SLC6A6: variants seen among roughly 807,000 people sequenced by gnomAD.
The protein encoded by SLC6A6 is solute carrier family 6 member 6.
In SLC6A6, 16 loss-of-function variants were observed where a neutral mutation model predicts 68.8. The observed-to-expected ratio is 0.23, with a 90% confidence interval of 0.16 to 0.35. SLC6A6 has a LOEUF of 0.35. SLC6A6 is among the 10% of genes least tolerant of loss of function. The pLI is 1.00. For synonymous variants in SLC6A6, 312 were observed against 315.4 expected, an observed-to-expected ratio of 0.99 and a Z score of 0.12; for missense variants, 474 against 802.8, an observed-to-expected ratio of 0.59 and a Z score of 4.95.
chr3:14,469,036 C>T (rs1003690612), intron 9 of SLC6A6, among the ~76,000 whole-genome samples: 6 of 152,130 alleles, frequency 3.9e-5, no homozygotes, highest in Admixed American at 2.6e-4. Flanking sequence ...GGGACTTGGC[C>T]ATGGCTGCTT....
chr3:14,442,595 G>A (rs1269782594), intron 2 of SLC6A6, among the ~76,000 whole-genome samples: 1 of 152,228 alleles, frequency 6.6e-6, no homozygotes, highest in African/African-American at 2.4e-5. Flanking sequence ...TGTGACTGTG[G>A]CCCTCAGGGT....
intron 1 of SLC6A6, among the ~76,000 whole-genome samples, chr3:14,409,100 G>A (rs1393871808): frequency 1.3e-5 from 2 of 152,204 alleles, no homozygotes; most frequent in African/African-American, 4.8e-5. Flanking sequence ...GAGCCACCAC[G>A]CCTGGCCAGT....
At chr3:14,405,116 C>T (rs528784720) in intron 1 of SLC6A6, among the ~76,000 whole-genome samples, 18 of 152,292 alleles carry the variant, frequency 1.2e-4, no homozygotes, top group Admixed American at 3.3e-4. Context: ...TCACTGATAT[C>T]CTCGGGAGTT....
At chr3:14,421,643 C>T (rs1473567277) in intron 2 of SLC6A6, among the ~76,000 whole-genome samples, 3 of 152,226 alleles carry the variant, frequency 2.0e-5, no homozygotes, top group African/African-American at 4.8e-5. Flanking sequence ...GCATAGTAAT[C>T]GCATCTGCAG....
intron 9 of SLC6A6, among the ~76,000 whole-genome samples, chr3:14,469,682 A>G (rs908079096): frequency 1.3e-5 from 2 of 152,156 alleles, no homozygotes; most frequent in African/African-American, 4.8e-5. Context: ...CCCTGGACAC[A>G]TGCAACAACC....
intron 14 of SLC6A6, among the ~76,000 whole-genome samples, chr3:14,483,336 G>A (rs1701054423): frequency 6.6e-6 from 1 of 152,196 alleles, no homozygotes; most frequent in Non-Finnish European, 1.5e-5. Context: ...CCCCTCAGGG[G>A]CTCCCACCTG....
chr3:14,416,494 A>G, intron 2 of SLC6A6, 41 bp downstream of exon 2: 1 of 398,594 alleles, frequency 2.5e-6, no homozygotes, highest in Non-Finnish European at 4.4e-6. Flanking sequence ...GGTGTCTCAC[A>G]CGTTGTGCAG....
intron 6 of SLC6A6, among the ~76,000 whole-genome samples, chr3:14,461,164 C>T (rs747447172): frequency 2.6e-5 from 4 of 152,242 alleles, no homozygotes; most frequent in Non-Finnish European, 4.4e-5. Context: ...ATAGTGATAA[C>T]GGTGGCGAAA....
At chr3:14,451,279 G>C (rs1700245947) in intron 5 of SLC6A6, among the ~76,000 whole-genome samples, 1 of 152,206 alleles carries the variant, frequency 6.6e-6, no homozygotes, top group African/African-American at 2.4e-5. Context: ...CACCTGCGTG[G>C]AGCAGCAAAT....
rs137993719 is a variant in SLC6A6, at chr3:14,447,598, C to T, written c.381C>T (p.Ser127=). 8.4e-5 allele frequency: 136 copies of T among 1,614,066 alleles called. No homozygotes were observed. The highest frequency in any genetic ancestry group is 3.3e-4 in the Middle Eastern group (2 of 6,084). The change falls in exon 5 of 15, where the codon TCC becomes TCT. Residue 127 remains serine (S), a synonymous_variant. Transcript: ENST00000622186. The stretch of plus-strand genomic sequence containing the variant: ...AACCTGCAGGTATCGGCTATGCCTC[C>T]GTTGTAATTGTGTCCCTCCTGAATG... ...CPLFSGIGYA[S]VVIVSLLNVY...
Position 14,477,479 on chromosome 3 carries a change from T to A in SLC6A6, c.1347+137T>A. ...CCCCACCCAATTCAGGGGTCCTGCT[T>A]GGACCAACACTGGGGGTAGCACGAG... is the stretch of plus-strand genomic sequence containing the variant. On this transcript the variant is annotated intron_variant, in intron 11 of 14. Transcript: ENST00000622186. The surrounding 1 kb of genome is among the most constrained non-coding windows in gnomAD (Gnocchi z 4.2). The A allele has an allele frequency of 1.2e-6, 1 of 859,262 alleles. No individual in the cohort carries two copies. Among genetic ancestry groups the A allele is most frequent in the South Asian group, 1.6e-5 (1 of 63,754 alleles). The allele number at this position is 859,262 out of a possible 1,614,324, so 53.2% of individuals were successfully genotyped here. A position where few individuals can be genotyped will look rare whatever the true frequency, so the allele number is the denominator to read the frequency against.
intron 2 of SLC6A6, among the ~76,000 whole-genome samples, chr3:14,431,902 G>A (rs1699733382): frequency 6.6e-6 from 1 of 152,190 alleles, no homozygotes; most frequent in Admixed American, 6.5e-5. Context: ...ATTTAATGAG[G>A]TAGGAGTTTC....
At position 14,443,852 on chromosome 3, in the gene SLC6A6, A is replaced by G. The variant is rs1420517511; in HGVS notation, c.218A>G (p.Lys73Arg). 2 of 1,611,622 alleles carry G rather than the reference A, an allele frequency of 1.2e-6. No individual in the cohort carries two copies. Among genetic ancestry groups the G allele is most frequent in the East Asian group, 2.2e-5 (1 of 44,874 alleles). ...NVWRFPYLCY[K>R]NGGGAFLIPY... ...TGGCGCTTCCCGTACCTCTGCTACA[A>G]GAATGGTGGAGGTGAGCTTGGGCCG... Residue 73 changes from lysine (K) to arginine (R), a missense_variant, in exon 3 of 15, where the codon AAG becomes AGG. Lys to Arg is a conservative substitution (Grantham distance 26). Around this residue, in one of 2 missense-constraint regions of SLC6A6, gnomAD observed 280 missense variants for 533.1 expected, o/e 0.53. Transcript: ENST00000622186.
chr3:14,460,519 A>T (rs1200374002), intron 6 of SLC6A6, among the ~76,000 whole-genome samples: 1 of 152,194 alleles, frequency 6.6e-6, no homozygotes, highest in Non-Finnish European at 1.5e-5. Flanking sequence ...GCCTGTGCAA[A>T]GGCCCTGAGG....
intron 5 of SLC6A6, 74 bp downstream of exon 5, chr3:14,447,890 C>T (rs868716406): frequency 1.3e-6 from 2 of 1,573,332 alleles, no homozygotes; most frequent in Non-Finnish European, 1.7e-6. Context: ...CTTATCTCCT[C>T]CCCTGGGATA....
intron 6 of SLC6A6, among the ~76,000 whole-genome samples, chr3:14,459,748 G>A (rs1409614876): frequency 6.6e-6 from 1 of 152,112 alleles, no homozygotes; most frequent in African/African-American, 2.4e-5. Flanking sequence ...CAAGTGACTT[G>A]TCCAAGGTCA....
Position 14,489,003 on chromosome 3 carries a change from C to A in SLC6A6, c.*3996C>A, listed in dbSNP as rs1046610241. On this transcript the variant is annotated 3_prime_UTR_variant, in exon 15 of 15. Transcript: ENST00000622186. ...AAAGCTGAGAATGTGGGTCTTGCCT[C>A]CTTCCAGAAATATGTCTGGCTCATC... 1 of 152,350 alleles carries A rather than the reference C, an allele frequency of 6.6e-6. No individual in the cohort carries two copies. The highest frequency in any genetic ancestry group is 2.4e-5 in the African/African-American group (1 of 41,366). The allele number at this position is 152,350 out of a possible 1,614,324, so 9.4% of individuals were successfully genotyped here. A position where few individuals can be genotyped will look rare whatever the true frequency, so the allele number is the denominator to read the frequency against.
At position 14,467,816 on chromosome 3, in the gene SLC6A6, C is replaced by T. The variant is rs1221087113; in HGVS notation, c.868-37C>T. The T allele has an allele frequency of 9.4e-6, 13 of 1,378,194 alleles. No homozygotes were observed. In the East Asian group the frequency reaches 3.0e-4, roughly 32 times the overall value. 85.4% of individuals were successfully genotyped at this position (1,378,194 alleles called of 1,614,324 possible). ...CTCCAGGAAGCCAGCTCTGACAGCC[C>T]TCCTCTCTTTCCTTGCCACCTCCCT... On this transcript the variant is annotated intron_variant, in intron 7 of 14. Transcript: ENST00000622186.
At chr3:14,440,751 G>A (rs923930778) in intron 2 of SLC6A6, among the ~76,000 whole-genome samples, 4 of 152,096 alleles carry the variant, frequency 2.6e-5, no homozygotes, top group Admixed American at 6.5e-5. Context: ...ATGTACAGGC[G>A]GGTCTTGCTG....
Sources: allele counts gnomAD v4.1 joint callset (sites outside exome capture counted in the v4.1 genomes callset), GRCh38; gene constraint gnomAD v4.1.1; regional missense constraint gnomAD v4.1.1; non-coding constraint Gnocchi (gnomAD v3.1); transcripts MANE v1.5; gene names NCBI Gene and HGNC (gene_info 2026-07-23, HGNC 2026-07-21).